Variants in IPCEF1 observed in about 807,000 individuals in gnomAD.
IPCEF1 encodes the protein interactor protein for cytohesin exchange factors 1.
Under a neutral mutation model 50.9 loss-of-function variants are expected in IPCEF1, and 31 were observed. The ratio of observed to expected loss-of-function variants is 0.61; its 90% CI spans 0.46 to 0.82. The LOEUF (loss-of-function observed/expected upper bound fraction) is 0.82. Among genes scored for constraint, IPCEF1 ranks in the 40% least tolerant of loss-of-function variants. The pLI is 0.00. For missense variants in IPCEF1, 458 were observed against 514.0 expected, an observed-to-expected ratio of 0.89 and a Z score of 1.05; for synonymous variants, 181 against 192.0, an observed-to-expected ratio of 0.94 and a Z score of 0.47.
At chr6:154,335,451 A>G (rs1308199188) in intron 1 of IPCEF1, among the ~76,000 whole-genome samples, 2 of 152,210 alleles carry the variant, frequency 1.3e-5, no homozygotes, top group African/African-American at 4.8e-5. Context: ...TTTCCAGTGA[A>G]CCTTCCAAGG....
intron 1 of IPCEF1, among the ~76,000 whole-genome samples, chr6:154,295,120 A>C (rs998738957): frequency 2.6e-5 from 4 of 151,852 alleles, no homozygotes; most frequent in Admixed American, 6.6e-5. Context: ...ATGGCGTGAA[A>C]CCAGGAGGCG....
intron 1 of IPCEF1, among the ~76,000 whole-genome samples, chr6:154,308,073 C>T (rs1471479403): frequency 6.6e-6 from 1 of 152,102 alleles, no homozygotes; most frequent in African/African-American, 2.4e-5. Flanking sequence ...TGTAAACAGA[C>T]AGTAGTAAAT....
chr6:154,157,822 C>T lies in IPCEF1; in HGVS notation c.*2006G>A, dbSNP rs41292896. 1 of 152,218 alleles carries T rather than the reference C, an allele frequency of 6.6e-6. No homozygotes were observed. Among genetic ancestry groups the T allele is most frequent in the Admixed American group, 6.5e-5 (1 of 15,276 alleles). The allele number at this position is 152,218 out of a possible 1,614,324, so 9.4% of individuals were successfully genotyped here. A position where few individuals can be genotyped will look rare whatever the true frequency, so the allele number is the denominator to read the frequency against. On this transcript the variant is annotated 3_prime_UTR_variant, in exon 12 of 12. Coordinates refer to ENST00000367220, the MANE Select transcript of IPCEF1 (RefSeq NM_001130700.2). ...TTTCCCTTCTGGTATCTGCTAATCA[C>T]AGAAAGAATCAGTAATTTCCAGGGG...
Position 154,199,932 on chromosome 6 carries a change from A to G in IPCEF1, c.646T>C (p.Ser216Pro), listed in dbSNP as rs774981014. 1.2e-6 allele frequency: 2 copies of G among 1,614,110 alleles called. No individual in the cohort carries two copies. Among genetic ancestry groups the G allele is most frequent in the Non-Finnish European group, 1.7e-6 (2 of 1,180,044 alleles). The change falls in exon 10 of 12, where the codon TCT becomes CCT. Residue 216 changes from serine to proline, a missense_variant. Ser to Pro is a moderately conservative substitution (Grantham distance 74, BLOSUM62 -1). Transcript: ENST00000367220. Reference sequence around the variant, plus strand: ...TCAGGCAAGGATTGTCTCTCTTTAGATAAGGAGGAAGGAAAACTGCTGGGT... The same window carrying G: ...TCAGGCAAGGATTGTCTCTCTTTAGGTAAGGAGGAAGGAAAACTGCTGGGT... ...KTPSSFPSSL[S>P]KERQSLPDTV...
intron 1 of IPCEF1, among the ~76,000 whole-genome samples, chr6:154,346,627 A>G (rs1784034214): frequency 6.6e-6 from 1 of 152,208 alleles, no homozygotes; most frequent in Non-Finnish European, 1.5e-5. Context: ...ATGGCCAGGG[A>G]GGCCTCAAGA....
At position 154,199,970 on chromosome 6, in the gene IPCEF1, T is replaced by A. The variant is rs1342135150; in HGVS notation, c.608A>T (p.Asn203Ile). The change falls in exon 10 of 12, where the codon AAT becomes ATT. Residue 203 changes from asparagine (N) to isoleucine (I), a missense_variant. Transcript: ENST00000367220. Reference protein sequence around the residue: ...GTSYSFSSLENTVKTPSSFPS... With the variant: ...GTSYSFSSLEITVKTPSSFPS... ...AAAACTGCTGGGTGTCTTCACTGTA[T>A]TTTCCAGGGAAGAGAAAGAATACGA... 1 of 1,614,048 alleles carries A rather than the reference T, an allele frequency of 6.2e-7. No individual in the cohort carries two copies. Among genetic ancestry groups the A allele is most frequent in the African/African-American group, 1.3e-5 (1 of 75,044 alleles).
At chr6:154,263,841 A>C (rs1431531675) in intron 3 of IPCEF1, among the ~76,000 whole-genome samples, 1 of 23,004 alleles carries the variant, frequency 4.3e-5, no homozygotes, top group Admixed American at 5.7e-4. Context: ...GGCGCCCCTC[A>C]CCTCCCGGAC....
chr6:154,288,381 C>A (rs1004390626), intron 2 of IPCEF1, among the ~76,000 whole-genome samples: 11 of 151,924 alleles, frequency 7.2e-5, no homozygotes, highest in Admixed American at 7.2e-4. Context: ...TAACTGTGGG[C>A]GGCCGGGCGC....
intron 1 of IPCEF1, among the ~76,000 whole-genome samples, chr6:154,300,816 G>A (rs1017364223): frequency 2.0e-5 from 3 of 152,168 alleles, no homozygotes; most frequent in Admixed American, 6.6e-5. Flanking sequence ...CTTTAGGTAA[G>A]TAAATAAAGA....
At chr6:154,244,141 G>T (rs941700445) in intron 5 of IPCEF1, among the ~76,000 whole-genome samples, 1 of 152,336 alleles carries the variant, frequency 6.6e-6, no homozygotes, top group Middle Eastern at 3.4e-3. Flanking sequence ...GTGGCAGGAA[G>T]TAAATAAAGC....
intron 6 of IPCEF1, 61 bp downstream of exon 6, chr6:154,223,109 G>A (rs746647742): frequency 3.1e-6 from 4 of 1,282,858 alleles, no homozygotes; most frequent in South Asian, 1.2e-5. Flanking sequence ...ATCCCTTGGT[G>A]AACATTATGA....
intron 1 of IPCEF1, among the ~76,000 whole-genome samples, chr6:154,293,487 A>G (rs1341168246): frequency 6.6e-6 from 1 of 152,240 alleles, no homozygotes; most frequent in Non-Finnish European, 1.5e-5. Context: ...TCCATGCACC[A>G]TTTCTCTAAC....
chr6:154,178,325 C>A (rs920360658), intron 10 of IPCEF1, among the ~76,000 whole-genome samples: 1 of 151,926 alleles, frequency 6.6e-6, no homozygotes, highest in Non-Finnish European at 1.5e-5. Flanking sequence ...ATATCTGATT[C>A]AATAGATATT....
Position 154,165,396 on chromosome 6 carries a change from C to T in IPCEF1, c.1104+2524G>A, listed in dbSNP as rs114981900. On this transcript the variant is annotated intron_variant, in intron 11 of 11. Transcript: ENST00000367220. ...TATACCCTTCCAACATGAACATGCA[C>T]ACATGTACCAAGTTCTCTCTCTCCT... is the stretch of plus-strand genomic sequence containing the variant. Among the ~76,000 whole-genome samples, 549 of 152,304 alleles carry T rather than the reference C, an allele frequency of 3.6e-3. 3 individuals carry two copies. Among genetic ancestry groups the T allele is most frequent in the African/African-American group, 0.013 (527 of 41,562 alleles).
At chr6:154,166,753 T>G (rs1268670395) in intron 11 of IPCEF1, among the ~76,000 whole-genome samples, 1 of 152,208 alleles carries the variant, frequency 6.6e-6, no homozygotes, top group Non-Finnish European at 1.5e-5. Context: ...CTTTACTCAC[T>G]CATATCAGCT....
intron 2 of IPCEF1, among the ~76,000 whole-genome samples, chr6:154,279,087 C>T (rs564172895): frequency 3.4e-5 from 5 of 149,228 alleles, no homozygotes; most frequent in South Asian, 2.1e-4. Context: ...ATCGTGCCAC[C>T]GCAAAAAAAT....
At chr6:154,233,750 C>G (rs1298588936) in intron 5 of IPCEF1, among the ~76,000 whole-genome samples, 14 of 152,146 alleles carry the variant, frequency 9.2e-5, no homozygotes. Flanking sequence ...GTCCTTACCA[C>G]CCAGGGCACA....
intron 3 of IPCEF1, among the ~76,000 whole-genome samples, chr6:154,255,513 A>T (rs191589329): frequency 2.0e-5 from 3 of 152,320 alleles, no homozygotes; most frequent in Admixed American, 6.5e-5. Context: ...TTATGGACTT[A>T]TCTTTATTTA....
At chr6:154,225,794 T>C (rs1490963610) in intron 5 of IPCEF1, among the ~76,000 whole-genome samples, 2 of 152,264 alleles carry the variant, frequency 1.3e-5, no homozygotes, top group African/African-American at 4.8e-5. Context: ...TAAGGCGTTT[T>C]TATGTAAATT....
Sources: gnomAD v4.1 joint callset for allele counts (sites outside exome capture counted in the v4.1 genomes callset) on GRCh38, gnomAD v4.1.1 for gene constraint, MANE v1.5 for transcripts, NCBI Gene and HGNC (gene_info 2026-07-23, HGNC 2026-07-21) for gene names.